PARD3B: variants seen among roughly 807,000 people sequenced by gnomAD.
The protein encoded by PARD3B is partitioning defective 3 homolog B.
In PARD3B, 103 loss-of-function variants were observed where a neutral mutation model predicts 130.2. The observed-to-expected ratio is 0.79, with a 90% confidence interval of 0.67 to 0.93. The LOEUF is 0.93. PARD3B is among the 40% of genes least tolerant of loss of function. The pLI is 0.00. For synonymous variants in PARD3B, 583 were observed against 553.2 expected, an observed-to-expected ratio of 1.05 and a Z score of -0.76; for missense variants, 1,609 against 1,499.2, an observed-to-expected ratio of 1.07 and a Z score of -1.21.
In PARD3B at chr2:204,669,188, C is replaced by G. The variant is rs2036163850; in HGVS notation, c.121-16993C>G. On this transcript the variant is annotated intron_variant, in intron 1 of 22. Transcript: ENST00000406610. This position sits in a 1 kb window ranked among gnomAD's most constrained non-coding sequence, Gnocchi z 4.3. The stretch of plus-strand genomic sequence containing the variant: ...CGGAGAAATAGGAAACCAGTAGAAC[C>G]CTTCTTTATTTCAGTTTGGTGATAT... Among the ~76,000 whole-genome samples, 1 of 152,020 alleles carries G rather than the reference C, an allele frequency of 6.6e-6. No individual in the cohort carries two copies. Among genetic ancestry groups the G allele is most frequent in the African/African-American group, 2.4e-5 (1 of 41,388 alleles).
At chr2:205,343,331 A>G (rs2080418) in intron 18 of PARD3B, among the ~76,000 whole-genome samples, 91,314 of 151,998 alleles carry the variant, frequency 0.6, 30,772 homozygotes, top group South Asian at 0.77. Context: ...AGCATGAAGG[A>G]GATAAAAATG....
intron 3 of PARD3B, among the ~76,000 whole-genome samples, chr2:205,043,455 C>T (rs1211529257): frequency 6.6e-6 from 1 of 152,150 alleles, no homozygotes; most frequent in African/African-American, 2.4e-5. Context: ...CAGAGCAGTG[C>T]AAGTTCAATG....
intron 2 of PARD3B, among the ~76,000 whole-genome samples, chr2:204,862,809 T>C (rs2045264574): frequency 6.6e-6 from 1 of 152,074 alleles, no homozygotes; most frequent in African/African-American, 2.4e-5. Context: ...TTGAGACACA[T>C]AGAGGGGTGA....
At position 205,463,866 on chromosome 2, in the gene PARD3B, T is replaced by G. The variant is rs2048534514; in HGVS notation, c.3044+23194T>G. Among the ~76,000 whole-genome samples the G allele has an allele frequency of 6.6e-6, 1 of 152,110 alleles. No homozygotes were observed. The highest frequency in any genetic ancestry group is 2.4e-5 in the African/African-American group (1 of 41,426). ...TTGCAGTAGCCTTAGGGACTTTGCT[T>G]TGGAGTAAAAGCAGCCGAGTAGGAA... On this transcript the variant is annotated intron_variant, in intron 20 of 22. Coordinates refer to ENST00000406610, the MANE Select transcript of PARD3B (RefSeq NM_001302769.2). This position sits in a 1 kb window ranked among gnomAD's most constrained non-coding sequence, Gnocchi z 4.8.
intron 3 of PARD3B, among the ~76,000 whole-genome samples, chr2:205,003,471 G>A (rs1695011934): frequency 6.6e-6 from 1 of 151,958 alleles, no homozygotes; most frequent in Non-Finnish European, 1.5e-5. Flanking sequence ...TACAAAGTAG[G>A]GCTTCCCCCT....
chr2:205,029,207 T>A (rs1697249067), intron 3 of PARD3B, among the ~76,000 whole-genome samples: 1 of 152,218 alleles, frequency 6.6e-6, no homozygotes, highest in Non-Finnish European at 1.5e-5. Context: ...ATTATTTTGC[T>A]GTGTCAAATA....
At chr2:204,792,395 C>G (rs2042230687) in intron 2 of PARD3B, among the ~76,000 whole-genome samples, 2 of 151,382 alleles carry the variant, frequency 1.3e-5, no homozygotes. Context: ...AACTTGAAAT[C>G]TTAAAATAAA....
At chr2:205,096,904 G>C (rs1443300175) in intron 4 of PARD3B, among the ~76,000 whole-genome samples, 1 of 152,112 alleles carries the variant, frequency 6.6e-6, no homozygotes, top group Non-Finnish European at 1.5e-5. Flanking sequence ...TAATTTCTCT[G>C]TTTGTTTCAT....
At chr2:205,297,124 A>G (rs547687019) in intron 16 of PARD3B, among the ~76,000 whole-genome samples, 67 of 152,302 alleles carry the variant, frequency 4.4e-4, no homozygotes, top group Admixed American at 7.2e-4. Flanking sequence ...AGCCACAACC[A>G]ATATCGCATC....
chr2:205,145,674 T>G (rs945266433), intron 10 of PARD3B, among the ~76,000 whole-genome samples: 1 of 152,166 alleles, frequency 6.6e-6, no homozygotes, highest in African/African-American at 2.4e-5. Flanking sequence ...AAGGCACCAT[T>G]GCTTTAAGTG....
At chr2:204,620,001 C>CCT (rs2034242107) in intron 1 of PARD3B, among the ~76,000 whole-genome samples, 1 of 151,874 alleles carries the variant, frequency 6.6e-6, no homozygotes, top group South Asian at 2.1e-4. Context: ...GACTCATGCA[C>CCT]CTCTCTCTCT....
At chr2:205,082,901 C>A (rs1030404121) in intron 4 of PARD3B, among the ~76,000 whole-genome samples, 1 of 151,470 alleles carries the variant, frequency 6.6e-6, no homozygotes, top group African/African-American at 2.4e-5. Context: ...GGAAATTACA[C>A]CAAAAGTTAA....
chr2:205,612,103 C>G (rs1157146055), intron 22 of PARD3B, among the ~76,000 whole-genome samples: 1 of 152,226 alleles, frequency 6.6e-6, no homozygotes, highest in East Asian at 1.9e-4. Flanking sequence ...ATTTTAGCTG[C>G]CTTTTCTTCC....
chr2:205,536,278 G>A (rs927298561), intron 21 of PARD3B, among the ~76,000 whole-genome samples: 4 of 152,220 alleles, frequency 2.6e-5, no homozygotes, highest in Admixed American at 2.6e-4. Context: ...GAAATGATTC[G>A]ATTAACTTTT....
intron 2 of PARD3B, among the ~76,000 whole-genome samples, chr2:204,733,273 A>T (rs1414662375): frequency 3.3e-5 from 5 of 152,202 alleles, no homozygotes; most frequent in Non-Finnish European, 7.3e-5. Flanking sequence ...ATCATAAAAC[A>T]TGAAATACTT....
At chr2:205,082,015 A>G (rs929025750) in intron 4 of PARD3B, among the ~76,000 whole-genome samples, 3 of 152,080 alleles carry the variant, frequency 2.0e-5, no homozygotes, top group African/African-American at 7.2e-5. Flanking sequence ...TCTTTGTTTC[A>G]AGGTTTATAA....
At chr2:205,526,264 C>T (rs1042469630) in intron 21 of PARD3B, among the ~76,000 whole-genome samples, 2 of 152,178 alleles carry the variant, frequency 1.3e-5, no homozygotes, top group Non-Finnish European at 1.5e-5. Context: ...TGTGGATGTG[C>T]ACTTCTACCC....
intron 2 of PARD3B, among the ~76,000 whole-genome samples, chr2:204,922,364 G>A (rs1193375987): frequency 6.6e-6 from 1 of 152,092 alleles, no homozygotes; most frequent in Non-Finnish European, 1.5e-5. Context: ...AAAAGGGAAG[G>A]ATTGTGGAAG....
chr2:204,639,955 C>G (rs550522096), intron 1 of PARD3B, among the ~76,000 whole-genome samples: 2 of 152,098 alleles, frequency 1.3e-5, no homozygotes, highest in East Asian at 3.9e-4. Context: ...TCTACTTGCC[C>G]TTATAAATAT....
Sources: allele counts gnomAD v4.1 joint callset (sites outside exome capture counted in the v4.1 genomes callset), GRCh38; gene constraint gnomAD v4.1.1; non-coding constraint Gnocchi (gnomAD v3.1); transcripts MANE v1.5; gene names NCBI Gene and HGNC (gene_info 2026-07-23, HGNC 2026-07-21).